The following DOCK9 variants were observed in gnomAD, a reference collection of about 807,000 sequenced individuals.
DOCK9 encodes dedicator of cytokinesis 9.
In DOCK9, 89 loss-of-function variants were observed where a neutral mutation model predicts 263.3. The observed-to-expected ratio is 0.34, with a 90% confidence interval of 0.28 to 0.40. The LOEUF is 0.40. Among genes scored for constraint, DOCK9 ranks in the 10% least tolerant of loss-of-function variants. The pLI is 1.00. For missense variants in DOCK9, 2,140 were observed against 2,603.4 expected (o/e 0.82, Z 3.87); for synonymous variants, 976 against 973.1 (o/e 1.00, Z -0.06).
chr13:99,007,350 T>C (rs536659577), intron 1 of DOCK9, among the ~76,000 whole-genome samples: 3 of 151,886 alleles, frequency 2.0e-5, no homozygotes, highest in Non-Finnish European at 4.4e-5. Flanking sequence ...ATTGCACCAC[T>C]GCACTCAAGC....
At chr13:98,884,460 TG>T (rs2045359163) in intron 21 of DOCK9, among the ~76,000 whole-genome samples, 1 of 152,244 alleles carries the variant, frequency 6.6e-6, no homozygotes, top group Non-Finnish European at 1.5e-5. Context: ...TATTTAAGCA[TG>T]TTATAAAGCC....
chr13:98,863,856 G>C (rs1355044580), intron 30 of DOCK9, among the ~76,000 whole-genome samples: 1 of 152,092 alleles, frequency 6.6e-6, no homozygotes, highest in African/African-American at 2.4e-5. Context: ...TTTTAGACTA[G>C]AACACAGCAT....
upstream of DOCK9, among the ~76,000 whole-genome samples, chr13:98,979,518 C>G (rs1453801749): frequency 4.6e-5 from 7 of 152,014 alleles, no homozygotes; most frequent in Admixed American, 2.0e-4. Context: ...GAAGCTGGGT[C>G]TCTGCCACTT....
chr13:99,045,814 C>A (rs1051220410), intron 1 of DOCK9, among the ~76,000 whole-genome samples: 1 of 151,912 alleles, frequency 6.6e-6, no homozygotes, highest in South Asian at 2.1e-4. Flanking sequence ...AAACAGCAGC[C>A]GGGTGCGGTG....
At chr13:98,997,413 G>A (rs1289731719) in intron 1 of DOCK9, among the ~76,000 whole-genome samples, 1 of 152,204 alleles carries the variant, frequency 6.6e-6, no homozygotes, top group Non-Finnish European at 1.5e-5. Context: ...CAGTCCTGCT[G>A]AGCCCCGCAC....
At chr13:98,848,022 A>C (rs1203867266) in intron 37 of DOCK9, among the ~76,000 whole-genome samples, 1 of 152,232 alleles carries the variant, frequency 6.6e-6, no homozygotes, top group East Asian at 1.9e-4. Context: ...CTCACCAGGG[A>C]GTTCTGGCCA....
At chr13:99,074,971 A>G (rs1047799355) in intron 1 of DOCK9, among the ~76,000 whole-genome samples, 1 of 152,240 alleles carries the variant, frequency 6.6e-6, no homozygotes, top group African/African-American at 2.4e-5. Flanking sequence ...TGAAATCATT[A>G]CAGTAGTACA....
At chr13:98,856,552 T>C (rs985238926) in intron 33 of DOCK9, 3 of 152,622 alleles carry the variant, frequency 2.0e-5, no homozygotes, top group African/African-American at 7.2e-5. Context: ...GACATATTTG[T>C]GAAGCTGGGT....
intron 37 of DOCK9, chr13:98,847,490 TAGG>T (rs2093426346): frequency 6.6e-6 from 1 of 152,190 alleles, no homozygotes; most frequent in Non-Finnish European, 1.5e-5. Flanking sequence ...AAAATATTAA[TAGG>T]AGGAAAATGC....
At chr13:99,083,336 A>G (rs2042204318) in intron 1 of DOCK9, among the ~76,000 whole-genome samples, 2 of 152,176 alleles carry the variant, frequency 1.3e-5, no homozygotes, top group Admixed American at 6.5e-5. Context: ...TTAGGTCCTT[A>G]TTAGAACAAA....
chr13:98,906,388 G>T (rs1350630626), intron 9 of DOCK9, among the ~76,000 whole-genome samples: 1 of 152,026 alleles, frequency 6.6e-6, no homozygotes, highest in Non-Finnish European at 1.5e-5. Context: ...AGAGAGAGAG[G>T]CTTTTCAGAC....
chr13:99,026,940 C>A (rs902854911), intron 1 of DOCK9, among the ~76,000 whole-genome samples: 9 of 152,180 alleles, frequency 5.9e-5, no homozygotes. Context: ...TAACAGTGTG[C>A]TACACGGGAA....
intron 2 of DOCK9, among the ~76,000 whole-genome samples, chr13:98,947,405 A>G (rs1156667138): frequency 8.0e-6 from 1 of 124,706 alleles, no homozygotes; most frequent in East Asian, 2.8e-4. Flanking sequence ...CTATGTGATG[A>G]TAATTAAAAA....
chr13:98,911,810 A>C (rs1208799046), intron 9 of DOCK9, among the ~76,000 whole-genome samples: 2 of 151,870 alleles, frequency 1.3e-5, no homozygotes, highest in African/African-American at 2.4e-5. Context: ...ATAAAAAATA[A>C]TGTCATTATT....
intron 27 of DOCK9, among the ~76,000 whole-genome samples, chr13:98,875,580 A>T (rs534610362): frequency 6.6e-6 from 1 of 152,314 alleles, no homozygotes; most frequent in African/African-American, 2.4e-5. Context: ...GGAAATGCAA[A>T]AGCAGTCTGC....
chr13:98,824,958 A>C (rs2092462693), intron 44 of DOCK9, among the ~76,000 whole-genome samples: 1 of 152,176 alleles, frequency 6.6e-6, no homozygotes, highest in Admixed American at 6.5e-5. Context: ...GCCAGGGAAG[A>C]ACACATCTCT....
At chr13:98,958,633 G>C (rs768997469) in intron 1 of DOCK9, among the ~76,000 whole-genome samples, 1 of 152,348 alleles carries the variant, frequency 6.6e-6, no homozygotes, top group Middle Eastern at 3.4e-3. Flanking sequence ...ATAAAAACAG[G>C]CAGCAGCCAG....
chr13:98,811,956 A>C (rs1246637994), intron 45 of DOCK9, among the ~76,000 whole-genome samples: 2 of 152,082 alleles, frequency 1.3e-5, no homozygotes, highest in Admixed American at 1.3e-4. Flanking sequence ...TCTTTTTTGC[A>C]TATGTATATC....
chr13:99,029,503 C>A (rs1887108846), intron 1 of DOCK9, among the ~76,000 whole-genome samples: 1 of 152,082 alleles, frequency 6.6e-6, no homozygotes, highest in Non-Finnish European at 1.5e-5. Context: ...CTTTGTATTA[C>A]ATTAGGTTAT....
Sources: gnomAD v4.1 joint callset for allele counts (sites outside exome capture counted in the v4.1 genomes callset) on GRCh38, gnomAD v4.1.1 for gene constraint, MANE v1.5 for transcripts, NCBI Gene and HGNC (gene_info 2026-07-23, HGNC 2026-07-21) for gene names.